Variants in TPTE observed in about 807,000 individuals in gnomAD.
The protein encoded by TPTE is putative tyrosine-protein phosphatase TPTE.
A neutral mutation model predicts 84.1 loss-of-function variants in TPTE; 59 were observed. That is an observed-to-expected ratio of 0.70 (90% CI 0.57 to 0.87). TPTE has a LOEUF of 0.87. TPTE is among the 40% of genes least tolerant of loss of function. The pLI, the probability that TPTE is intolerant of heterozygous loss-of-function variation, is 0.00. For missense variants in TPTE, 382 were observed against 659.6 expected (o/e 0.58, Z 4.61); for synonymous variants, 130 against 223.5 (o/e 0.58, Z 3.73).
chr21:10,522,595 T>A (rs1308780589), intron 1 of TPTE, among the ~76,000 whole-genome samples: 2 of 152,426 alleles, frequency 1.3e-5, no homozygotes, highest in Admixed American at 6.5e-5. Flanking sequence ...TAATAGATAG[T>A]GATGATGACC....
chr21:10,551,693 C>A (rs1432727772), intron 7 of TPTE, among the ~76,000 whole-genome samples: 1 of 152,212 alleles, frequency 6.6e-6, no homozygotes, highest in Admixed American at 6.5e-5. Context: ...AAGGGAAGAC[C>A]CAAATAAGTA....
intron 10 of TPTE, among the ~76,000 whole-genome samples, chr21:10,562,078 AAAC>A (rs2074817150): frequency 6.6e-6 from 1 of 152,310 alleles, no homozygotes; most frequent in African/African-American, 2.4e-5. Context: ...TAAGGGAAGA[AAAC>A]AAGAGTCTCT....
At chr21:10,574,154 T>C (rs1364944272) in intron 14 of TPTE, among the ~76,000 whole-genome samples, 2 of 152,310 alleles carry the variant, frequency 1.3e-5, no homozygotes, top group African/African-American at 4.8e-5. Context: ...TAAATTAATT[T>C]CAAACATATA....
At chr21:10,547,709 A>G (rs1213199630) in intron 7 of TPTE, among the ~76,000 whole-genome samples, 1 of 152,306 alleles carries the variant, frequency 6.6e-6, no homozygotes, top group Non-Finnish European at 1.5e-5. Flanking sequence ...CTGGAGCTTT[A>G]TCTTCAGTAC....
chr21:10,593,169 CTT>C (rs1241009977), intron 19 of TPTE, among the ~76,000 whole-genome samples: 3 of 152,286 alleles, frequency 2.0e-5, no homozygotes, highest in Non-Finnish European at 4.4e-5. Flanking sequence ...ACTCTCCACT[CTT>C]GTTTTCCCTA....
intron 7 of TPTE, among the ~76,000 whole-genome samples, chr21:10,551,240 A>G (rs570041336): frequency 1.2e-4 from 19 of 152,010 alleles, no homozygotes; most frequent in Non-Finnish European, 2.4e-4. Context: ...GAACAATGAG[A>G]ACACTCAGAC....
chr21:10,550,583 C>A (rs1320208788), intron 7 of TPTE, among the ~76,000 whole-genome samples: 1 of 152,306 alleles, frequency 6.6e-6, no homozygotes, highest in Non-Finnish European at 1.5e-5. Flanking sequence ...AACACCAGAG[C>A]ACCTAGATAT....
At chr21:10,553,275 T>C (rs1463109114) in intron 8 of TPTE, among the ~76,000 whole-genome samples, 18 of 152,300 alleles carry the variant, frequency 1.2e-4, no homozygotes, top group Non-Finnish European at 2.9e-5. Flanking sequence ...CTGGCTTGTG[T>C]CTGAACTGCA....
At chr21:10,556,229 T>TC (rs1337083239) in intron 8 of TPTE, among the ~76,000 whole-genome samples, 1 of 152,310 alleles carries the variant, frequency 6.6e-6, no homozygotes, top group African/African-American at 2.4e-5. Context: ...TGTGTGATGT[T>TC]CCCCTTCCTG....
At chr21:10,543,290 C>T (rs2074404355) in intron 6 of TPTE, 39 bp from the exon 7 acceptor site, 4 of 1,182,172 alleles carry the variant, frequency 3.4e-6, no homozygotes, top group East Asian at 1.4e-4. Context: ...CCTCGGCCTC[C>T]CAAAGTGCTG....
chr21:10,580,142 T>C (rs1336743864), intron 17 of TPTE, among the ~76,000 whole-genome samples: 1 of 152,302 alleles, frequency 6.6e-6, no homozygotes, highest in Non-Finnish European at 1.5e-5. Context: ...CTCTTGGCCA[T>C]TTGTGTGTCT....
At chr21:10,532,388 CTGTT>C (rs1370394809) in intron 3 of TPTE, among the ~76,000 whole-genome samples, 8 of 152,404 alleles carry the variant, frequency 5.2e-5, no homozygotes, top group South Asian at 2.1e-4. Context: ...GATATTCACT[CTGTT>C]TGTTCTTGAT....
At chr21:10,557,415 C>T (rs2074705537) in intron 8 of TPTE, among the ~76,000 whole-genome samples, 1 of 152,302 alleles carries the variant, frequency 6.6e-6, no homozygotes, top group South Asian at 2.1e-4. Flanking sequence ...GGGCTAAAGC[C>T]ACCCAAGCCA....
At chr21:10,537,883 A>C in intron 3 of TPTE, among the ~76,000 whole-genome samples, 1 of 152,416 alleles carries the variant, frequency 6.6e-6, no homozygotes, top group Non-Finnish European at 1.5e-5. Context: ...GGAAAAACAA[A>C]AAACTTTGAC....
chr21:10,601,590 C>T (rs1275499778), intron 21 of TPTE, among the ~76,000 whole-genome samples: 1 of 152,306 alleles, frequency 6.6e-6, no homozygotes, highest in East Asian at 1.9e-4. Context: ...TGCAGTGGCT[C>T]ATGCCTGTAA....
chr21:10,564,462 A>G (rs1425964235), intron 10 of TPTE, among the ~76,000 whole-genome samples: 3 of 152,308 alleles, frequency 2.0e-5, no homozygotes, highest in African/African-American at 7.2e-5. Context: ...GTGAGCTGAG[A>G]TCACACCACT....
chr21:10,537,701 A>G (rs1174870773), intron 3 of TPTE, among the ~76,000 whole-genome samples: 10 of 152,228 alleles, frequency 6.6e-5, no homozygotes, highest in African/African-American at 2.2e-4. Context: ...AAGAAAAAAG[A>G]AAAAGAAATA....
intron 23 of TPTE, 78 bp from the exon 24 acceptor site, chr21:10,605,335 TCCAG>T: frequency 1.3e-6 from 2 of 1,522,210 alleles, no homozygotes; most frequent in East Asian, 2.4e-5. Flanking sequence ...TTTTGTTTCT[TCCAG>T]CTCTAACGTG....
intron 8 of TPTE, among the ~76,000 whole-genome samples, chr21:10,557,332 C>CT (rs1051069178): frequency 3.3e-5 from 5 of 152,294 alleles, no homozygotes; most frequent in African/African-American, 7.2e-5. Flanking sequence ...ACATAGTACT[C>CT]TTTTTTTAAG....
Sources: gnomAD v4.1 joint callset for allele counts (sites outside exome capture counted in the v4.1 genomes callset) on GRCh38, gnomAD v4.1.1 for gene constraint, MANE v1.5 for transcripts, NCBI Gene and HGNC (gene_info 2026-07-23, HGNC 2026-07-21) for gene names.